Variants in CPEB3 observed in about 807,000 individuals in gnomAD.
CPEB3 encodes cytoplasmic polyadenylation element-binding protein 3.
A neutral mutation model predicts 67.2 loss-of-function variants in CPEB3; 20 were observed. That is an observed-to-expected ratio of 0.30 (90% CI 0.21 to 0.43). The LOEUF (loss-of-function observed/expected upper bound fraction) is 0.43. CPEB3 is among the 20% of genes least tolerant of loss of function. The pLI is 1.00. For missense variants in CPEB3, 746 were observed against 968.6 expected (o/e 0.77, Z 3.05); for synonymous variants, 376 against 393.1 (o/e 0.96, Z 0.51).
intron 2 of CPEB3, among the ~76,000 whole-genome samples, chr10:92,232,732 T>C (rs890590887): frequency 2.7e-5 from 4 of 146,258 alleles, no homozygotes; most frequent in Non-Finnish European, 6.0e-5. Flanking sequence ...CATTCCAGCC[T>C]GGGTGACAGT....
intron 3 of CPEB3, 51 bp downstream of exon 3, chr10:92,192,426 G>C (rs1222435097): frequency 6.6e-7 from 1 of 1,515,540 alleles, no homozygotes; most frequent in Admixed American, 2.1e-5. Context: ...TTAAAAAGCT[G>C]ATTTTTGCTT....
intron 4 of CPEB3, among the ~76,000 whole-genome samples, chr10:92,174,871 A>G (rs1848154644): frequency 6.6e-6 from 1 of 152,222 alleles, no homozygotes; most frequent in Non-Finnish European, 1.5e-5. Context: ...TCTTCAAAAA[A>G]AGAAAAATTA....
intron 1 of CPEB3, among the ~76,000 whole-genome samples, chr10:92,262,135 G>T (rs1468265230): frequency 3.3e-5 from 5 of 152,150 alleles, no homozygotes; most frequent in Admixed American, 2.6e-4. Context: ...TGTCCTAAGA[G>T]AGATACTTTA....
chr10:92,283,573 T>C (rs1442580136), intron 1 of CPEB3, among the ~76,000 whole-genome samples: 1 of 152,066 alleles, frequency 6.6e-6, no homozygotes, highest in African/African-American at 2.4e-5. Flanking sequence ...AGAGAACTTG[T>C]TAAAAAGACA....
intron 2 of CPEB3, among the ~76,000 whole-genome samples, chr10:92,223,534 ACC>A: frequency 6.9e-6 from 1 of 145,494 alleles, no homozygotes; most frequent in Non-Finnish European, 1.5e-5. Flanking sequence ...GCAAGTAATC[ACC>A]AAGTCCTTCC....
rs137871982 is a variant in CPEB3, at chr10:92,198,537, T to C, written c.1006-5901A>G. On this transcript the variant is annotated intron_variant, in intron 2 of 9. Coordinates refer to ENST00000265997, the MANE Select transcript of CPEB3 (RefSeq NM_014912.5). ...ATCCAGAACCCCTTGCTACTCTTTC[T>C]AGCTTATACCTAGACATTTCCTCTG... Among the ~76,000 whole-genome samples, 6 of 152,330 alleles carry C rather than the reference T, an allele frequency of 3.9e-5. No individual in the cohort carries two copies. In the East Asian group the frequency reaches 1.2e-3, roughly 29 times the overall value.
At chr10:92,248,557 T>A (rs762549225) in intron 1 of CPEB3, among the ~76,000 whole-genome samples, 20 of 152,188 alleles carry the variant, frequency 1.3e-4, no homozygotes, top group Non-Finnish European at 2.9e-4. Flanking sequence ...AATGGATGGA[T>A]GAATAAAGCA....
chr10:92,061,431 A>C (rs1358367642), intron 9 of CPEB3, among the ~76,000 whole-genome samples: 1 of 150,924 alleles, frequency 6.6e-6, no homozygotes, highest in African/African-American at 2.5e-5. Context: ...AAAAAAAAAA[A>C]AAAAAAAAAA....
chr10:92,117,898 A>T (rs2133570841), intron 6 of CPEB3, among the ~76,000 whole-genome samples: 1 of 152,294 alleles, frequency 6.6e-6, no homozygotes, highest in East Asian at 1.9e-4. Context: ...TATGAGGTAA[A>T]TACAGTTGTT....
At chr10:92,160,732 C>T (rs773833683) in intron 4 of CPEB3, among the ~76,000 whole-genome samples, 3 of 152,128 alleles carry the variant, frequency 2.0e-5, no homozygotes, top group Admixed American at 6.5e-5. Context: ...CATTAACACC[C>T]ATAAAGGATA....
intron 8 of CPEB3, 21 bp downstream of exon 8, chr10:92,091,809 G>A (rs1390819670): frequency 2.1e-6 from 3 of 1,396,598 alleles, no homozygotes; most frequent in Non-Finnish European, 3.0e-6. Context: ...TTGTTGTTGT[G>A]GTATTACTAT....
At chr10:92,261,982 G>A (rs1191356780) in intron 1 of CPEB3, among the ~76,000 whole-genome samples, 2 of 152,156 alleles carry the variant, frequency 1.3e-5, no homozygotes, top group African/African-American at 4.8e-5. Flanking sequence ...TGTTATTTCT[G>A]TCTTGTCATG....
chr10:92,258,870 G>C (rs2134869830), intron 1 of CPEB3, among the ~76,000 whole-genome samples: 1 of 151,140 alleles, frequency 6.6e-6, no homozygotes, highest in South Asian at 2.1e-4. Context: ...ATATTAGCCA[G>C]GATGGTCTCC....
intron 2 of CPEB3, among the ~76,000 whole-genome samples, chr10:92,230,428 T>C (rs762024635): frequency 6.6e-6 from 1 of 152,230 alleles, no homozygotes; most frequent in Non-Finnish European, 1.5e-5. Flanking sequence ...TTGTGCCCAT[T>C]TCTGTTTCTC....
intron 1 of CPEB3, among the ~76,000 whole-genome samples, chr10:92,278,220 C>T (rs1842084216): frequency 6.6e-6 from 1 of 151,912 alleles, no homozygotes; most frequent in South Asian, 2.1e-4. Context: ...CTATTCTGGG[C>T]CACCTTAATT....
chr10:92,098,982 G>A (rs547758308), intron 7 of CPEB3, among the ~76,000 whole-genome samples: 5 of 151,848 alleles, frequency 3.3e-5, no homozygotes, highest in African/African-American at 1.2e-4. Context: ...ATGTTGGCCA[G>A]GCTGGTCTCA....
chr10:92,186,728 C>A (rs1012095943), intron 3 of CPEB3, among the ~76,000 whole-genome samples: 2 of 152,172 alleles, frequency 1.3e-5, no homozygotes, highest in African/African-American at 2.4e-5. Context: ...AGCCACCATG[C>A]CTGGCCGCTA....
chr10:92,154,864 T>A (rs559286355), intron 4 of CPEB3, among the ~76,000 whole-genome samples: 1 of 152,370 alleles, frequency 6.6e-6, no homozygotes, highest in South Asian at 2.1e-4. Context: ...AAATTCTTGC[T>A]GACAGAACTA....
At chr10:92,107,368 G>A (rs1483245315) in intron 7 of CPEB3, among the ~76,000 whole-genome samples, 1 of 152,118 alleles carries the variant, frequency 6.6e-6, no homozygotes, top group Non-Finnish European at 1.5e-5. Context: ...ATCATAAGGA[G>A]CAGGAAGCAG....
Sources: allele counts gnomAD v4.1 joint callset (sites outside exome capture counted in the v4.1 genomes callset), GRCh38; gene constraint gnomAD v4.1.1; transcripts MANE v1.5; gene names NCBI Gene and HGNC (gene_info 2026-07-23, HGNC 2026-07-21).